Variants in PCDH11Y observed in about 807,000 individuals in gnomAD.
PCDH11Y encodes protocadherin-11 Y-linked.
For synonymous variants in PCDH11Y, 9 were observed against 83.6 expected (o/e 0.11, Z 4.87); for missense variants, 12 against 224.8 (o/e 0.05, Z 6.05).
At chrY:5,404,607 A>G (rs1234195941) in intron 2 of PCDH11Y, among the ~76,000 whole-genome samples, 10 of 32,946 alleles carry the variant, frequency 3.0e-4, no homozygotes, top group Non-Finnish European at 5.2e-4. Context: ...GTTAAAACAC[A>G]TCGTTAAAGC....
At chrY:5,417,400 G>C in intron 2 of PCDH11Y, among the ~76,000 whole-genome samples, 2 of 30,928 alleles carry the variant, frequency 6.5e-5, no homozygotes, top group Non-Finnish European at 1.6e-4. Context: ...TGAGGTATGA[G>C]AGCATTTGAA....
chrY:5,094,290 GA>G (rs2052746553), intron 1 of PCDH11Y, among the ~76,000 whole-genome samples: 1 of 31,495 alleles, frequency 3.2e-5, no homozygotes, highest in East Asian at 8.2e-4. Context: ...ACTGATGTTG[GA>G]TTCATGTGTT....
At chrY:5,465,363 T>A in intron 2 of PCDH11Y, among the ~76,000 whole-genome samples, 1 of 32,296 alleles carries the variant, frequency 3.1e-5, no homozygotes, top group African/African-American at 1.2e-4. Flanking sequence ...TTGTGTAGGT[T>A]CACAAATAAA....
intron 3 of PCDH11Y, among the ~76,000 whole-genome samples, chrY:5,560,170 T>C: frequency 3.0e-5 from 1 of 33,100 alleles, no homozygotes; most frequent in Non-Finnish European, 7.4e-5. Context: ...TGTGGAATTT[T>C]GAACTTGAGA....
At chrY:5,098,873 C>T in exon 2 of PCDH11Y, 1 of 398,576 alleles carries the variant, frequency 2.5e-6, no homozygotes, top group Non-Finnish European at 3.5e-6. Flanking sequence ...ACATGCTTCA[C>T]AGATCATGAA....
intron 2 of PCDH11Y, among the ~76,000 whole-genome samples, chrY:5,298,373 G>A: frequency 3.1e-5 from 1 of 32,676 alleles, no homozygotes; most frequent in South Asian, 7.1e-4. Context: ...ACAAGGATGG[G>A]GGTGGTTTGT....
intron 4 of PCDH11Y, among the ~76,000 whole-genome samples, chrY:5,672,292 AT>A (rs2053550079): frequency 3.1e-5 from 1 of 32,087 alleles, no homozygotes; most frequent in Non-Finnish European, 7.7e-5. Context: ...CATAGAATGA[AT>A]TTGAAAGTAT....
upstream of PCDH11Y, among the ~76,000 whole-genome samples, chrY:5,051,172 A>G (rs2052651065): frequency 3.0e-5 from 1 of 33,272 alleles, no homozygotes; most frequent in Admixed American, 2.8e-4. Context: ...TTGATAAAAA[A>G]TATTTAATAT....
chrY:5,308,278 T>C, intron 2 of PCDH11Y, among the ~76,000 whole-genome samples: 1 of 33,154 alleles, frequency 3.0e-5, no homozygotes, highest in South Asian at 6.6e-4. Flanking sequence ...GATATCAAAC[T>C]CAAGTTGTCC....
At chrY:5,408,141 G>C in intron 2 of PCDH11Y, among the ~76,000 whole-genome samples, 1 of 33,009 alleles carries the variant, frequency 3.0e-5, no homozygotes, top group Admixed American at 2.8e-4. Context: ...TCATAGTCAA[G>C]ATGCGCTGAA....
chrY:5,187,770 C>T, intron 2 of PCDH11Y, among the ~76,000 whole-genome samples: 1 of 33,802 alleles, frequency 3.0e-5, no homozygotes, highest in South Asian at 6.6e-4. Flanking sequence ...TTTACTTATG[C>T]GAATTCCTGC....
intron 1 of PCDH11Y, among the ~76,000 whole-genome samples, chrY:5,004,771 A>C: frequency 5.8e-5 from 2 of 34,236 alleles, no homozygotes. Context: ...GGAGTCCACA[A>C]ACTTTAATTA....
At chrY:5,360,653 G>T (rs2124671793) in intron 2 of PCDH11Y, among the ~76,000 whole-genome samples, 1 of 32,838 alleles carries the variant, frequency 3.0e-5, no homozygotes, top group Admixed American at 2.9e-4. Context: ...AGTCTTATGT[G>T]TTCAAATTAA....
intron 4 of PCDH11Y, among the ~76,000 whole-genome samples, chrY:5,667,108 C>CTA (rs58527993): frequency 0.14 from 3,140 of 22,754 alleles, no homozygotes; most frequent in African/African-American, 0.54. Flanking sequence ...GCCATCATGG[C>CTA]TATATATATA....
upstream of PCDH11Y, among the ~76,000 whole-genome samples, chrY:5,054,445 A>G: frequency 5.2e-5 from 1 of 19,074 alleles, no homozygotes; most frequent in African/African-American, 2.1e-4. Context: ...CCAACCTCCA[A>G]TAGGCCCCAG....
chrY:5,243,200 T>G, intron 2 of PCDH11Y, among the ~76,000 whole-genome samples: 11 of 34,172 alleles, frequency 3.2e-4, no homozygotes, highest in African/African-American at 1.3e-3. Flanking sequence ...TATACAGCCA[T>G]GCTTCATATA....
chrY:5,177,068 G>C, intron 2 of PCDH11Y, among the ~76,000 whole-genome samples: 1 of 33,295 alleles, frequency 3.0e-5, no homozygotes, highest in African/African-American at 1.2e-4. Context: ...TTTGTCCCTT[G>C]AGTCAGTTGT....
At chrY:5,058,402 T>C in intron 1 of PCDH11Y, among the ~76,000 whole-genome samples, 1 of 29,836 alleles carries the variant, frequency 3.4e-5, no homozygotes, top group African/African-American at 1.3e-4. Flanking sequence ...AAATAACTAA[T>C]GTGCATGTTT....
At chrY:5,524,129 G>A (rs2053384101) in intron 3 of PCDH11Y, among the ~76,000 whole-genome samples, 1 of 34,060 alleles carries the variant, frequency 2.9e-5, no homozygotes, top group Non-Finnish European at 7.4e-5. Context: ...GAGGCAGAAG[G>A]CAAAAGTGCC....
Sources: gnomAD v4.1 joint callset for allele counts (sites outside exome capture counted in the v4.1 genomes callset) on GRCh38, gnomAD v4.1.1 for gene constraint, MANE v1.5 for transcripts, NCBI Gene and HGNC (gene_info 2026-07-23, HGNC 2026-07-21) for gene names.